The following SORCS2 variants were observed in gnomAD, a reference collection of about 807,000 sequenced individuals.
SORCS2 encodes the protein VPS10 domain-containing receptor SorCS2.
SORCS2 carries 100 observed loss-of-function variants against 141.6 expected under a neutral mutation model. The ratio of observed to expected loss-of-function variants is 0.71; its 90% CI spans 0.60 to 0.83. SORCS2 has a LOEUF of 0.83. Ranked by LOEUF, SORCS2 falls within the 40% of genes least tolerant of loss-of-function variation. SORCS2 has a pLI of 0.00. For missense variants in SORCS2, 1,646 were observed against 1,560.2 expected (o/e 1.05, Z -0.93); for synonymous variants, 789 against 676.9 (o/e 1.17, Z -2.57).
intron 1 of SORCS2, among the ~76,000 whole-genome samples, chr4:7,358,535 G>C (rs1178416682): frequency 2.0e-5 from 3 of 152,210 alleles, no homozygotes; most frequent in African/African-American, 7.2e-5. Flanking sequence ...ATGCATTCCC[G>C]TCCCAGATGG....
At chr4:7,461,740 G>A (rs988662981) in intron 2 of SORCS2, among the ~76,000 whole-genome samples, 3 of 152,168 alleles carry the variant, frequency 2.0e-5, no homozygotes, top group Non-Finnish European at 2.9e-5. Flanking sequence ...TGGACAGGGC[G>A]TTCTGGGTGC....
chr4:7,435,023 G>A lies in SORCS2; in HGVS notation c.548+38668G>A, dbSNP rs954623797. On this transcript the variant is annotated intron_variant, in intron 2 of 26. Transcript: ENST00000507866. ...ACAGCCTGACTCACACCCTGTGCCC[G>A]GGGATTCCTGGCCTCTTCGCCTTTG... 6.2e-5 allele frequency: 62 copies of A among 1,006,512 alleles called. No homozygotes were observed. In the Admixed American group the frequency reaches 1.3e-3, roughly 22 times the overall value. 62.3% of individuals were successfully genotyped at this position (1,006,512 alleles called of 1,614,324 possible).
intron 26 of SORCS2, among the ~76,000 whole-genome samples, 194 bp from the exon 27 acceptor site, chr4:7,740,006 C>T (rs527756562): frequency 3.9e-5 from 6 of 152,206 alleles, no homozygotes; most frequent in East Asian, 3.9e-4. Context: ...GTGATGGCAC[C>T]GGGAGAGCCC....
At chr4:7,422,859 C>T (rs200842936) in intron 2 of SORCS2, among the ~76,000 whole-genome samples, 1 of 152,218 alleles carries the variant, frequency 6.6e-6, no homozygotes, top group East Asian at 1.9e-4. Context: ...ATAACTGACC[C>T]AGGGCTTCTC....
intron 25 of SORCS2, 70 bp downstream of exon 25, chr4:7,734,444 C>T: frequency 9.0e-7 from 1 of 1,115,868 alleles, no homozygotes; most frequent in Non-Finnish European, 1.3e-6. Context: ...GCCCAACTCA[C>T]TCAGGCAGAT....
At chr4:7,602,969 C>T (rs1452689160) in intron 3 of SORCS2, among the ~76,000 whole-genome samples, 1 of 152,234 alleles carries the variant, frequency 6.6e-6, no homozygotes, top group Non-Finnish European at 1.5e-5. Flanking sequence ...CCAGCCCGAC[C>T]AACATGGCAA....
intron 26 of SORCS2, 68 bp downstream of exon 26, chr4:7,737,240 G>A (rs951136338): frequency 2.0e-5 from 27 of 1,340,384 alleles, no homozygotes; most frequent in Admixed American, 1.0e-4. Context: ...AACCCACCCC[G>A]CCCTCCCACA....
At chr4:7,415,323 G>T (rs567674453) in intron 2 of SORCS2, among the ~76,000 whole-genome samples, 2 of 152,312 alleles carry the variant, frequency 1.3e-5, no homozygotes, top group East Asian at 1.9e-4. Context: ...CAGGGCTCTA[G>T]GAAAGAATCC....
chr4:7,386,492 C>T (rs1365236467), intron 1 of SORCS2, among the ~76,000 whole-genome samples: 1 of 77,222 alleles, frequency 1.3e-5, no homozygotes, highest in African/African-American at 6.0e-5. Flanking sequence ...CATTTGCACA[C>T]ACGCACACAC....
intron 1 of SORCS2, among the ~76,000 whole-genome samples, chr4:7,204,602 G>A (rs570075514): frequency 3.1e-4 from 47 of 152,284 alleles, no homozygotes; most frequent in African/African-American, 1.0e-3. Flanking sequence ...CCACTTGCCG[G>A]TCAGTAGCAC....
At chr4:7,540,370 A>G (rs532120673) in intron 3 of SORCS2, among the ~76,000 whole-genome samples, 11 of 152,190 alleles carry the variant, frequency 7.2e-5, no homozygotes, top group Admixed American at 7.2e-4. Flanking sequence ...ATAGGACCCC[A>G]GCCTTCTTCT....
rs1336010054 is a variant in SORCS2 at position 7,633,797 on chromosome 4, C to T, written c.649-4531C>T. Among the ~76,000 whole-genome samples, 8 of 124,412 alleles carry T rather than the reference C, an allele frequency of 6.4e-5. 3 individuals carry two copies. Among genetic ancestry groups the T allele is most frequent in the Non-Finnish European group, 3.7e-5 (2 of 53,562 alleles). The allele number at this position is 124,412 out of a possible 152,430, so 81.6% of individuals were successfully genotyped here. On this transcript the variant is annotated intron_variant, in intron 3 of 26. Transcript: ENST00000507866. ...TCCTGCATGCGCTCCTTCATGTGTC[C>T]GTCAGGCGGGATTAACGGCCAGCTC...
chr4:7,735,896 C>T (rs113769657), intron 25 of SORCS2, among the ~76,000 whole-genome samples: 10 of 152,302 alleles, frequency 6.6e-5, no homozygotes, highest in Admixed American at 2.6e-4. Flanking sequence ...GTGGCAGGGG[C>T]GGCCTTCGAG....
At chr4:7,480,706 C>T (rs1297949334) in intron 2 of SORCS2, among the ~76,000 whole-genome samples, 1 of 152,208 alleles carries the variant, frequency 6.6e-6, no homozygotes, top group Non-Finnish European at 1.5e-5. Context: ...GGTTGTGAGT[C>T]CACCTGGAGT....
At chr4:7,667,256 A>G in intron 8 of SORCS2, 43 bp downstream of exon 8, 1 of 1,569,620 alleles carries the variant, frequency 6.4e-7, no homozygotes, top group Non-Finnish European at 8.8e-7. Flanking sequence ...GCCAGACCCT[A>G]AGCTTATCCT....
intron 1 of SORCS2, among the ~76,000 whole-genome samples, chr4:7,311,707 C>G (rs1718195013): frequency 6.6e-6 from 1 of 152,082 alleles, no homozygotes; most frequent in Non-Finnish European, 1.5e-5. Flanking sequence ...GGTGAAATGT[C>G]TATTAGAATC....
chr4:7,602,830 C>G (rs547592690), intron 3 of SORCS2, among the ~76,000 whole-genome samples: 2 of 152,180 alleles, frequency 1.3e-5, no homozygotes, highest in South Asian at 4.1e-4. Context: ...GAGGTTGTAG[C>G]CAACCGAGAT....
chr4:7,740,015 C>T (rs1177080054), intron 26 of SORCS2, among the ~76,000 whole-genome samples, 185 bp from the exon 27 acceptor site: 1 of 152,106 alleles, frequency 6.6e-6, no homozygotes, highest in African/African-American at 2.4e-5. Context: ...CCGGGAGAGC[C>T]CACTCCTCAG....
chr4:7,481,960 C>A (rs1181959925), intron 2 of SORCS2, among the ~76,000 whole-genome samples: 1 of 134,036 alleles, frequency 7.5e-6, no homozygotes, highest in Non-Finnish European at 1.7e-5. Flanking sequence ...CTGCGGACAC[C>A]CCTGACGCTG....
Sources: gnomAD v4.1 joint callset for allele counts (sites outside exome capture counted in the v4.1 genomes callset) on GRCh38, gnomAD v4.1.1 for gene constraint, MANE v1.5 for transcripts, NCBI Gene and HGNC (gene_info 2026-07-23, HGNC 2026-07-21) for gene names.